Variants in TRHDE observed in about 807,000 individuals in gnomAD.
The protein encoded by TRHDE is thyrotropin releasing hormone degrading enzyme.
A neutral mutation model predicts 125.7 loss-of-function variants in TRHDE; 72 were observed. The ratio of observed to expected loss-of-function variants is 0.57; its 90% confidence interval spans 0.47 to 0.70. The LOEUF (loss-of-function observed/expected upper bound fraction) is 0.70, where lower values mean the gene tolerates loss of function less well. TRHDE is among the 30% of genes least tolerant of loss of function. The pLI, the probability that TRHDE is intolerant of heterozygous loss-of-function variation, is 0.00. For missense variants in TRHDE, 1,110 were observed against 1,327.1 expected, an observed-to-expected ratio of 0.84 and a Z score of 2.54; for synonymous variants, 509 against 509.1, an observed-to-expected ratio of 1.00 and a Z score of 0.00.
chr12:72,312,196 C>T (rs180843450), intron 2 of TRHDE, among the ~76,000 whole-genome samples: 7 of 152,258 alleles, frequency 4.6e-5, no homozygotes, highest in Admixed American at 2.6e-4. Context: ...AGTCAGTTAC[C>T]TCACCTTGCT....
intron 2 of TRHDE, among the ~76,000 whole-genome samples, chr12:72,171,263 T>A (rs372478102): frequency 1.3e-5 from 2 of 149,790 alleles, no homozygotes; most frequent in African/African-American, 2.5e-5. Flanking sequence ...AAAAAAAAAA[T>A]AGGATTAGTT....
At chr12:72,521,779 G>A (rs1406107735) in intron 6 of TRHDE, among the ~76,000 whole-genome samples, 1 of 152,160 alleles carries the variant, frequency 6.6e-6, no homozygotes, top group Non-Finnish European at 1.5e-5. Flanking sequence ...TTTCCTTCTG[G>A]AAGGGGGTCT....
At chr12:72,420,377 T>C (rs1434888489) in intron 3 of TRHDE, among the ~76,000 whole-genome samples, 3 of 152,192 alleles carry the variant, frequency 2.0e-5, no homozygotes, top group Non-Finnish European at 4.4e-5. Flanking sequence ...GAAACAATCT[T>C]GGGACAGAAA....
At chr12:72,640,751 C>T (rs926982197) in intron 15 of TRHDE, among the ~76,000 whole-genome samples, 1 of 152,136 alleles carries the variant, frequency 6.6e-6, no homozygotes, top group Non-Finnish European at 1.5e-5. Context: ...GGCTCCTCTC[C>T]AGATTTGGAA....
At chr12:72,332,630 A>G (rs1326845166) in intron 2 of TRHDE, among the ~76,000 whole-genome samples, 1 of 152,222 alleles carries the variant, frequency 6.6e-6, no homozygotes, top group Non-Finnish European at 1.5e-5. Flanking sequence ...CACTTCTTTA[A>G]TAATGTCTCT....
At position 72,148,917 on chromosome 12, in the gene TRHDE, T is replaced by C. The variant is rs146056616; in HGVS notation, n.279+43165T>C. 6.0e-4 allele frequency among the ~76,000 whole-genome samples: 91 copies of C among 152,322 alleles called. 1 individual carries two copies. In the East Asian group the frequency reaches 0.016, roughly 27 times the overall value. On this transcript the variant is annotated intron_variant and non_coding_transcript_variant, in intron 2 of 4. Transcript: ENST00000548156. Reference sequence around the variant, plus strand: ...AGAAATTGCTGTGACTCTGCTGCAATGAACAGACAGCTCCATATAGGACAG... The same window carrying C: ...AGAAATTGCTGTGACTCTGCTGCAACGAACAGACAGCTCCATATAGGACAG...
intron 12 of TRHDE, among the ~76,000 whole-genome samples, chr12:72,605,713 TTTCTC>T (rs1872410267): frequency 6.6e-6 from 1 of 152,178 alleles, no homozygotes; most frequent in Non-Finnish European, 1.5e-5. Context: ...AGATATTTCA[TTTCTC>T]TGTAAGTAAA....
Position 72,273,525 on chromosome 12 carries a change from C to G in TRHDE, c.882C>G (p.Phe294Leu). The G allele has an allele frequency of 6.2e-7, 1 of 1,605,716 alleles. No homozygotes were observed. The highest frequency in any genetic ancestry group is 8.5e-7 in the Non-Finnish European group (1 of 1,179,796). The change falls in exon 1 of 19, where the codon TTC becomes TTG. Residue 294 changes from phenylalanine to leucine, a missense_variant. Physicochemically the swap from Phe to Leu is conservative, Grantham distance 22. Coordinates refer to ENST00000261180, the MANE Select transcript of TRHDE (RefSeq NM_013381.3). The surrounding 1 kb of genome is among the most constrained non-coding windows in gnomAD (Gnocchi z 5.3). ...TCGAGAATGAGCTCCTGGGCTTCTT[C>G]CGCAGCTCCTATGTGCTCCACGGGG... ...ALIENELLGF[F>L]RSSYVLHGER...
chr12:72,167,662 A>G (rs1566261311), intron 2 of TRHDE: 1 of 152,230 alleles, frequency 6.6e-6, no homozygotes, highest in Admixed American at 6.5e-5. Flanking sequence ...CATGTAAGTA[A>G]CACACCTTGT....
intron 2 of TRHDE, among the ~76,000 whole-genome samples, chr12:72,232,859 T>C (rs1878272772): frequency 1.3e-5 from 2 of 152,188 alleles, no homozygotes; most frequent in African/African-American, 4.8e-5. Flanking sequence ...CTGCCTTCTC[T>C]GCTTTATTTC....
intron 1 of TRHDE, among the ~76,000 whole-genome samples, chr12:72,284,818 C>A (rs1879820402): frequency 1.3e-5 from 2 of 152,126 alleles, no homozygotes; most frequent in Non-Finnish European, 2.9e-5. Flanking sequence ...CTAGCTTTAA[C>A]CTCATATTCA....
chr12:72,364,199 A>G (rs534589176), intron 2 of TRHDE, among the ~76,000 whole-genome samples: 1 of 152,050 alleles, frequency 6.6e-6, no homozygotes, highest in African/African-American at 2.4e-5. Context: ...ATACTGTTTT[A>G]TAATTTATTT....
At chr12:72,352,257 C>T (rs920575505) in intron 2 of TRHDE, among the ~76,000 whole-genome samples, 3 of 151,522 alleles carry the variant, frequency 2.0e-5, no homozygotes, top group Admixed American at 1.3e-4. Flanking sequence ...AAGATTTGGC[C>T]AGCATTTTCT....
intron 2 of TRHDE, among the ~76,000 whole-genome samples, chr12:72,161,431 C>CAAA (rs36001406): frequency 0.051 from 3,823 of 75,404 alleles, 97 homozygotes; most frequent in African/African-American, 0.094. Context: ...GACTCCGTCT[C>CAAA]AAAAAAAAAA....
chr12:72,370,070 CA>C (rs1416213085), intron 2 of TRHDE, among the ~76,000 whole-genome samples: 2 of 152,066 alleles, frequency 1.3e-5, no homozygotes, highest in Non-Finnish European at 2.9e-5. Context: ...ACTCGGTTTG[CA>C]AAATATTTTG....
At chr12:72,384,377 A>C (rs1451117438) in intron 3 of TRHDE, among the ~76,000 whole-genome samples, 2 of 152,172 alleles carry the variant, frequency 1.3e-5, no homozygotes, top group Non-Finnish European at 2.9e-5. Context: ...GGTTTTGTCG[A>C]GGAGAGAATG....
At chr12:72,470,919 C>A (rs920825019) in intron 4 of TRHDE, among the ~76,000 whole-genome samples, 2 of 130,322 alleles carry the variant, frequency 1.5e-5, no homozygotes, top group Non-Finnish European at 1.5e-5. Flanking sequence ...CTCTGTCACC[C>A]AGGCTGGAGT....
chr12:72,301,668 G>T (rs1016186423), intron 2 of TRHDE, among the ~76,000 whole-genome samples: 1 of 152,162 alleles, frequency 6.6e-6, no homozygotes, highest in Admixed American at 6.6e-5. Flanking sequence ...TAACAATGTA[G>T]ATCTTGTAAT....
At chr12:72,640,615 A>G (rs1233222989) in intron 15 of TRHDE, among the ~76,000 whole-genome samples, 1 of 151,800 alleles carries the variant, frequency 6.6e-6, no homozygotes, top group African/African-American at 2.4e-5. Context: ...TTTTTTAGAA[A>G]TGGAGCTCTG....
Sources: gnomAD v4.1 joint callset for allele counts (sites outside exome capture counted in the v4.1 genomes callset) on GRCh38, gnomAD v4.1.1 for gene constraint, Gnocchi (gnomAD v3.1) non-coding constraint, MANE v1.5 for transcripts, NCBI Gene and HGNC (gene_info 2026-07-23, HGNC 2026-07-21) for gene names.